The following FAM83C variants were observed in gnomAD, a reference collection of about 807,000 sequenced individuals.
FAM83C encodes the protein scaffolding CK1 anchoring protein C.
A neutral mutation model predicts 27.1 loss-of-function variants in FAM83C; 23 were observed. The observed-to-expected ratio is 0.85, with a 90% CI of 0.61 to 1.20. FAM83C has a LOEUF of 1.20. FAM83C is among the 50% of genes most tolerant of loss of function. The pLI, the probability that FAM83C is intolerant of heterozygous loss-of-function variation, is 0.00. For missense variants in FAM83C, 984 were observed against 1,001.3 expected, an observed-to-expected ratio of 0.98 and a Z score of 0.23; for synonymous variants, 426 against 423.1, an observed-to-expected ratio of 1.01 and a Z score of -0.09.
In FAM83C at chr20:35,292,186, C is replaced by CG; in HGVS notation, c.118dup (p.Arg40ProfsTer18). 1 of 1,596,054 alleles carries CG rather than the reference C, an allele frequency of 6.3e-7. No homozygotes were observed. Among genetic ancestry groups the CG allele is most frequent in the Non-Finnish European group, 8.5e-7 (1 of 1,178,786 alleles). ...CGCCAGCCGAGCCGCCTCGCTGTGC[C>CG]GCAGCACCAGCGGTGAGCTCTCCCG... On this transcript the variant is annotated frameshift_variant, in exon 1 of 4. Transcript: ENST00000374408. LOFTEE classifies it high-confidence loss of function.
At position 35,287,027 on chromosome 20, in the gene FAM83C, C is replaced by T; in HGVS notation, c.1752G>A (p.Arg584=). 1 of 1,606,474 alleles carries T rather than the reference C, an allele frequency of 6.2e-7. No homozygotes were observed. Among genetic ancestry groups the T allele is most frequent in the Middle Eastern group, 1.7e-4 (1 of 6,060 alleles). The change falls in exon 4 of 4, where the codon AGG becomes AGA. Residue 584 remains arginine (R), a synonymous_variant. Transcript: ENST00000374408. ...RPGDRALEDR[R]LSLNQSRGQS... ...GGCCACGGCTTTGGTTTAGGGACAG[C>T]CTCCTGTCCTCCAGGGCCCGATCAC...
rs539980533 is a variant in FAM83C at position 35,289,108 on chromosome 20, G to T, written c.514-150C>A. The T allele has an allele frequency of 1.5e-4, 147 of 999,804 alleles. No individual in the cohort carries two copies. The African/African-American group carries it at 2.2e-3, about 15-fold the overall frequency. The allele number at this position is 999,804 out of a possible 1,614,324, so 61.9% of individuals were successfully genotyped here. A position where few individuals can be genotyped will look rare whatever the true frequency, so the allele number is the denominator to read the frequency against. On this transcript the variant is annotated intron_variant, in intron 1 of 3. Coordinates refer to ENST00000374408, the MANE Select transcript of FAM83C (RefSeq NM_178468.6). ...CCTTCAAGAGCAAGTGAACAGGAAG[G>T]GCACTTAGCAGTGACCTAGCCCAGG...
chr20:35,285,932 ATG>A lies in FAM83C; in HGVS notation c.*601_*602del, dbSNP rs10589779. The A allele has an allele frequency of 0.23, 35,917 of 153,090 alleles. 4,439 individuals are homozygous for A. Among genetic ancestry groups the A allele is most frequent in the South Asian group, 0.33 (1,663 of 5,002 alleles). The allele number at this position is 153,090 out of a possible 1,614,324, so 9.5% of individuals were successfully genotyped here. The stretch of plus-strand genomic sequence containing the variant: ...GACAATGATGATGATGATAATGATG[ATG>A]TGTGTGTGTGTGTGTTTCCGGGTAT... On this transcript the variant is annotated 3_prime_UTR_variant, in exon 4 of 4. Transcript: ENST00000374408.
At position 35,291,825 on chromosome 20, in the gene FAM83C, G is replaced by A. The variant is rs2060847701; in HGVS notation, c.480C>T (p.Asp160=). The A allele has an allele frequency of 1.2e-6, 2 of 1,614,176 alleles. No individual in the cohort carries two copies. The highest frequency in any genetic ancestry group is 2.2e-5 in the East Asian group (1 of 44,882). The change falls in exon 1 of 4, where the codon GAC becomes GAT. Residue 160 remains aspartate, a synonymous_variant. Transcript: ENST00000374408. ...FQRDKAKNIK[D]LLRFLFSQAH... is the part of the protein sequence containing the mutation. ...CCTGGCTGAAAAGGAAGCGCAGCAGGTCCTTGATGTTCTTGGCCTTGTCCC... is the reference window on the plus strand; with the variant it reads ...CCTGGCTGAAAAGGAAGCGCAGCAGATCCTTGATGTTCTTGGCCTTGTCCC...
rs1568634481 is a variant in FAM83C, at chr20:35,287,284, CCTTCTTCTCCTTCTCCT to C, written c.1478_1494del (p.Glu493GlyfsTer26). 2 of 1,613,386 alleles carry C rather than the reference CCTTCTTCTCCTTCTCCT, an allele frequency of 1.2e-6. No individual in the cohort carries two copies. Among genetic ancestry groups the C allele is most frequent in the Admixed American group, 3.3e-5 (2 of 60,030 alleles). ...TGGCCACGGCTCTGACTTGGAGATG[CCTTCTTCTCCTTCTCCT>C]CCACTGTCTCCAGGGTTGTGCCAGG... On this transcript the variant is annotated frameshift_variant, in exon 4 of 4. Coordinates refer to ENST00000374408, the MANE Select transcript of FAM83C (RefSeq NM_178468.6). LOFTEE classifies it low-confidence loss of function (END_TRUNC).
In FAM83C at chr20:35,291,900, C is replaced by A. The variant is rs761374277; in HGVS notation, c.405G>T (p.Val135=). The A allele has an allele frequency of 1.9e-6, 3 of 1,613,188 alleles. No individual in the cohort carries two copies. Among genetic ancestry groups the A allele is most frequent in the Non-Finnish European group, 2.5e-6 (3 of 1,179,360 alleles). The change falls in exon 1 of 4, where the codon GTG becomes GTT. Residue 135 remains valine, a synonymous_variant. Coordinates refer to ENST00000374408, the MANE Select transcript of FAM83C (RefSeq NM_178468.6). The part of the protein sequence containing the change: ...PPDLDLGWPE[V]PQATGFSPTQ... ...TGGGGCTGAAGCCTGTGGCCTGTGGCACCTCGGGCCAGCCCAGGTCCAGGT... is the reference window on the plus strand; with the variant it reads ...TGGGGCTGAAGCCTGTGGCCTGTGGAACCTCGGGCCAGCCCAGGTCCAGGT...
Position 35,287,658 on chromosome 20 carries a change from G to T in FAM83C, c.1121C>A (p.Thr374Lys). 1 of 1,613,914 alleles carries T rather than the reference G, an allele frequency of 6.2e-7. No homozygotes were observed. Among genetic ancestry groups the T allele is most frequent in the Non-Finnish European group, 8.5e-7 (1 of 1,179,882 alleles). ...ACCCAGGGACGAGGACACCACACCC[G>T]TATCACTGCAATCACCACCTCCTGG... is the stretch of plus-strand genomic sequence containing the variant. ...ALPGGGDCSD[T>K]GVVSSSLGPA... The change falls in exon 4 of 4, where the codon ACG becomes AAG. Residue 374 changes from threonine (T) to lysine (K), a missense_variant. Physicochemically the swap from Thr to Lys is moderately conservative, Grantham distance 78. Transcript: ENST00000374408.
rs771077698 is a variant in FAM83C, at chr20:35,291,938, T to G, written c.367A>C (p.Ile123Leu). Reference sequence around the variant, plus strand: ...CCCAGGTCCAGGTCTGGGGGGTCTATGTCAGAGGCCATGGGGAAGTAAGTC... The same window carrying G: ...CCCAGGTCCAGGTCTGGGGGGTCTAGGTCAGAGGCCATGGGGAAGTAAGTC... ...SGTYFPMASDIDPPDLDLGWP... is the reference protein window; with the variant it reads ...SGTYFPMASDLDPPDLDLGWP... The change falls in exon 1 of 4, where the codon ATA (isoleucine) becomes CTA (leucine). Residue 123 changes from isoleucine to leucine, a missense_variant. Ile to Leu is a conservative substitution (Grantham distance 5, BLOSUM62 2). Coordinates refer to ENST00000374408, the MANE Select transcript of FAM83C (RefSeq NM_178468.6). The G allele has an allele frequency of 8.1e-6, 13 of 1,611,026 alleles. No homozygotes were observed. In the Admixed American group the frequency reaches 2.2e-4, roughly 27 times the overall value.
Position 35,287,944 on chromosome 20 carries a change from T to C in FAM83C, c.835A>G (p.Thr279Ala). Reference protein sequence around the residue: ...SFTWLCSQAHTSMVLQLRGRI... With the variant: ...SFTWLCSQAHASMVLQLRGRI... Reference sequence around the variant, plus strand: ...CCCCTCAGCTGCAGCACCATGCTAGTGTGGGCCTGGCTGCAAAGCCAGGTG... The same window carrying C: ...CCCCTCAGCTGCAGCACCATGCTAGCGTGGGCCTGGCTGCAAAGCCAGGTG... The change falls in exon 4 of 4, where the codon ACT becomes GCT. Residue 279 changes from threonine to alanine, a missense_variant. Transcript: ENST00000374408. 6.4e-7 allele frequency: 1 copy of C among 1,558,972 alleles called. No individual in the cohort carries two copies. The highest frequency in any genetic ancestry group is 8.7e-7 in the Non-Finnish European group (1 of 1,150,672).
rs554742118 is a variant in FAM83C at position 35,286,907 on chromosome 20, A to T, written c.1872T>A (p.Asp624Glu). Residue 624 changes from aspartate to glutamate, a missense_variant, in exon 4 of 4, where the codon GAT (aspartate) becomes GAA (glutamate). Asp to Glu is a conservative substitution (Grantham distance 45, BLOSUM62 2). Coordinates refer to ENST00000374408, the MANE Select transcript of FAM83C (RefSeq NM_178468.6). ...TGTGCCCCAGGGTCTGCCGCCGCTC[A>T]TCTGGTGCCCGTCTGGCAGGTCTGG... ...SSARPARRAP[D>E]ERRQTLGHSQ... 1 of 1,614,004 alleles carries T rather than the reference A, an allele frequency of 6.2e-7. No homozygotes were observed. Among genetic ancestry groups the T allele is most frequent in the African/African-American group, 1.3e-5 (1 of 74,924 alleles).
At chr20:35,291,703 T>C in intron 1 of FAM83C, 89 bp downstream of exon 1, 3 of 1,541,418 alleles carry the variant, frequency 1.9e-6, no homozygotes. Context: ...TGCCCCTAAG[T>C]CGCTGTGTGG....
chr20:35,288,345 T>C, intron 3 of FAM83C, 116 bp downstream of exon 3: 2 of 1,527,172 alleles, frequency 1.3e-6, no homozygotes, highest in Non-Finnish European at 1.8e-6. Context: ...GCATGATGCC[T>C]GGCACATGGC....
At position 35,286,354 on chromosome 20, in the gene FAM83C, G is replaced by GGTGTGTGT. The variant is rs768786300; in HGVS notation, c.*173_*180dup. The stretch of plus-strand genomic sequence containing the variant: ...CTAGATTCAAGAAGATACTAGTTAG[G>GGTGTGTGT]GTGTGTGTGTGTGTGTGTGTGTGTG... On this transcript the variant is annotated 3_prime_UTR_variant, in exon 4 of 4. Transcript: ENST00000374408. 2.0e-6 allele frequency: 1 copy of GGTGTGTGT among 511,806 alleles called. No homozygotes were observed. Among genetic ancestry groups the GGTGTGTGT allele is most frequent in the Non-Finnish European group, 3.4e-6 (1 of 293,936 alleles). The allele number at this position is 511,806 out of a possible 1,614,324, so 31.7% of individuals were successfully genotyped here. A position where few individuals can be genotyped will look rare whatever the true frequency, so the allele number is the denominator to read the frequency against.
chr20:35,291,671 C>T, intron 1 of FAM83C, 121 bp downstream of exon 1: 1 of 1,318,414 alleles, frequency 7.6e-7, no homozygotes, highest in East Asian at 2.3e-5. Flanking sequence ...TCTAATAGTG[C>T]CAGAGGTGCT....
Position 35,287,237 on chromosome 20 carries a change from G to A in FAM83C, c.1542C>T (p.Phe514=), listed in dbSNP as rs1307010384. The A allele has an allele frequency of 6.2e-7, 1 of 1,612,966 alleles. No homozygotes were observed. Among genetic ancestry groups the A allele is most frequent in the Admixed American group, 1.7e-5 (1 of 60,028 alleles). ...SRGQLDLLVP[F]PRAREVGDPD... ...GGTCTCCCACTTCTCGGGCTCTGGG[G>A]AAGGGGACAAGGAGATCCAGCTGGC... The change falls in exon 4 of 4, where the codon TTC becomes TTT. Residue 514 remains phenylalanine (F), a synonymous_variant. Transcript: ENST00000374408.
rs566403781 is a variant in FAM83C, at chr20:35,287,174, C to G, written c.1605G>C (p.Arg535=). ...SGVTPNSGPL[R]PGEQAPEDRR... ...TGTCCTCTGGGGCCTGCTCGCCAGGCCGAAGGGGGCCTGAGTTGGGGGTAA... is the reference window on the plus strand; with the variant it reads ...TGTCCTCTGGGGCCTGCTCGCCAGGGCGAAGGGGGCCTGAGTTGGGGGTAA... The change falls in exon 4 of 4, where the codon CGG becomes CGC. Residue 535 remains arginine, a synonymous_variant. Transcript: ENST00000374408. 4 of 1,607,846 alleles carry G rather than the reference C, an allele frequency of 2.5e-6. No homozygotes were observed. Among genetic ancestry groups the G allele is most frequent in the Non-Finnish European group, 2.5e-6 (3 of 1,179,576 alleles).
In FAM83C at chr20:35,287,595, T is replaced by A. The variant is rs1475302419; in HGVS notation, c.1184A>T (p.His395Leu). The stretch of plus-strand genomic sequence containing the variant: ...GTGGTTAGGGTCTGACAGTTGGCGA[T>A]GTAGGGAGGGCTGGCCACTGGCCTC... ...RREASGQPSL[H>L]RQLSDPNHGS... is the part of the protein sequence containing the mutation. Residue 395 changes from histidine to leucine, a missense_variant, in exon 4 of 4, where the codon CAT becomes CTT. Coordinates refer to ENST00000374408, the MANE Select transcript of FAM83C (RefSeq NM_178468.6). 1.2e-6 allele frequency: 2 copies of A among 1,613,928 alleles called. No homozygotes were observed. Among genetic ancestry groups the A allele is most frequent in the Admixed American group, 3.3e-5 (2 of 60,004 alleles).
Position 35,287,389 on chromosome 20 carries a change from G to A in FAM83C, c.1390C>T (p.Arg464Trp), listed in dbSNP as rs376562401. 2.3e-5 allele frequency: 37 copies of A among 1,613,926 alleles called. No individual in the cohort carries two copies. Among genetic ancestry groups the A allele is most frequent in the Non-Finnish European group, 2.9e-5 (34 of 1,179,968 alleles). Residue 464 changes from arginine to tryptophan, a missense_variant, in exon 4 of 4, where the codon CGG becomes TGG. By Grantham distance (101) the Arg-to-Trp change is moderately radical. Transcript: ENST00000374408. Reference protein sequence around the residue: ...QFHRGAPALSRFPENGLPGSQ... With the variant: ...QFHRGAPALSWFPENGLPGSQ... ...CCTGGGAGCCCATTCTCTGGGAACC[G>A]GGACAGAGCTGGGGCACCCCGATGG...
At position 35,289,346 on chromosome 20, in the gene FAM83C, CT is replaced by C. The variant is rs923344356; in HGVS notation, c.514-389del. Among the ~76,000 whole-genome samples the C allele has an allele frequency of 8.7e-4, 124 of 141,942 alleles. 1 individual carries two copies. The highest frequency in any genetic ancestry group is 5.1e-3 in the South Asian group (23 of 4,480). The allele number at this position is 141,942 out of a possible 152,430, so 93.1% of individuals were successfully genotyped here. ...CACTATGCCTGGCTAATTTTCTTTT[CT>C]TTTTTTTTTTTGAGACAGAGTCTCA... On this transcript the variant is annotated intron_variant, in intron 1 of 3. Coordinates refer to ENST00000374408, the MANE Select transcript of FAM83C (RefSeq NM_178468.6).
Sources: allele counts gnomAD v4.1 joint callset (sites outside exome capture counted in the v4.1 genomes callset), GRCh38; gene constraint gnomAD v4.1.1; transcripts MANE v1.5; gene names NCBI Gene and HGNC (gene_info 2026-07-23, HGNC 2026-07-21).